The following FBN2 variants were observed in gnomAD, a reference collection of about 807,000 sequenced individuals.
The protein encoded by FBN2 is fibrillin-2.
FBN2 carries 105 observed loss-of-function variants against 355.6 expected under a neutral mutation model. The ratio of observed to expected loss-of-function variants is 0.30; its 90% CI spans 0.25 to 0.35. The LOEUF is 0.35. Among genes scored for constraint, FBN2 ranks in the 10% least tolerant of loss-of-function variants. The pLI is 1.00. For synonymous variants in FBN2, 1,350 were observed against 1,301.2 expected (o/e 1.04, Z -0.81); for missense variants, 3,280 against 3,758.7 (o/e 0.87, Z 3.33).
At chr5:128,330,721 G>A (rs1176559657) in intron 32 of FBN2, 26 bp from the exon 33 acceptor site, 1 of 1,613,094 alleles carries the variant, frequency 6.2e-7, no homozygotes, top group African/African-American at 1.3e-5. Context: ...ATAAAGTTCA[G>A]AAATGAAAAT....
chr5:128,318,217 G>A lies in FBN2; in HGVS notation c.4649C>T (p.Thr1550Met), dbSNP rs1174261486. 9 of 1,613,834 alleles carry A rather than the reference G, an allele frequency of 5.6e-6. No individual in the cohort carries two copies. Among genetic ancestry groups the A allele is most frequent in the East Asian group, 2.2e-5 (1 of 44,872 alleles). Residue 1550 changes from threonine to methionine, a missense_variant, in exon 36 of 65, where the codon ACG becomes ATG. Physicochemically the swap from Thr to Met is moderately conservative, Grantham distance 81. Coordinates refer to ENST00000262464, the MANE Select transcript of FBN2 (RefSeq NM_001999.4). The part of the protein sequence containing the change: ...INCVNGLCVN[T>M]PGRYECNCPP... ...GCAGTTACACTCATAGCGACCAGGC[G>A]TGTTGACACATAGGCCATTGACACA...
intron 64 of FBN2, among the ~76,000 whole-genome samples, chr5:128,260,533 T>C (rs1374215510): frequency 2.6e-5 from 4 of 152,340 alleles, no homozygotes; most frequent in Admixed American, 6.5e-5. Flanking sequence ...AGTGAGGACT[T>C]GGCAGTGGTG....
intron 11 of FBN2, among the ~76,000 whole-genome samples, chr5:128,384,166 G>A (rs1303215009): frequency 6.6e-6 from 1 of 152,052 alleles, no homozygotes; most frequent in South Asian, 2.1e-4. Flanking sequence ...ATTATGCTGA[G>A]TAAAAGAAAT....
intron 4 of FBN2, among the ~76,000 whole-genome samples, chr5:128,520,791 AC>A (rs1289617843): frequency 6.6e-6 from 1 of 152,190 alleles, no homozygotes; most frequent in Non-Finnish European, 1.5e-5. Context: ...GTGTCTCTGC[AC>A]AAGTACAGCT....
At chr5:128,461,100 C>A (rs982528861) in intron 6 of FBN2, among the ~76,000 whole-genome samples, 2 of 152,038 alleles carry the variant, frequency 1.3e-5, no homozygotes, top group Non-Finnish European at 2.9e-5. Context: ...TTGCAATCTA[C>A]CCATCTAACA....
intron 5 of FBN2, among the ~76,000 whole-genome samples, chr5:128,512,512 CAAAA>C (rs1158661549): frequency 3.3e-5 from 2 of 60,680 alleles, no homozygotes; most frequent in Non-Finnish European, 3.1e-5. Flanking sequence ...GAACCCGTCT[CAAAA>C]AAAAAAAAAA....
chr5:128,536,507 C>T, intron 1 of FBN2, 23 bp from the exon 2 acceptor site: 1 of 1,586,234 alleles, frequency 6.3e-7, no homozygotes, highest in Non-Finnish European at 8.6e-7. Context: ...AGCGCGGTCA[C>T]GTAACAGATA....
intron 8 of FBN2, among the ~76,000 whole-genome samples, chr5:128,407,295 G>T (rs1310987349): frequency 6.6e-6 from 1 of 152,076 alleles, no homozygotes; most frequent in African/African-American, 2.4e-5. Context: ...TGTAAATTTG[G>T]AATAACTATA....
At chr5:128,456,021 A>AAAAAAAAAAAAAC (rs1182047917) in intron 6 of FBN2, among the ~76,000 whole-genome samples, 1 of 148,968 alleles carries the variant, frequency 6.7e-6, no homozygotes, top group African/African-American at 2.5e-5. Context: ...AAAAAAAAAA[A>AAAAAAAAAAAAAC]AAGCAACTGC....
At chr5:128,527,161 A>C (rs1489447371) in intron 4 of FBN2, among the ~76,000 whole-genome samples, 1 of 152,190 alleles carries the variant, frequency 6.6e-6, no homozygotes, top group Non-Finnish European at 1.5e-5. Flanking sequence ...ACATTACTTC[A>C]AAATATGTGA....
chr5:128,510,300 G>A (rs891635668), intron 5 of FBN2, among the ~76,000 whole-genome samples: 16 of 152,182 alleles, frequency 1.1e-4, no homozygotes, highest in Non-Finnish European at 2.1e-4. Flanking sequence ...GAAAGTTTAC[G>A]AATTTGTGTT....
At chr5:128,383,790 G>A (rs1404369224) in intron 11 of FBN2, among the ~76,000 whole-genome samples, 2 of 152,050 alleles carry the variant, frequency 1.3e-5, no homozygotes, top group South Asian at 2.1e-4. Flanking sequence ...TGGCTAAAGT[G>A]TAAAAACCTG....
chr5:128,356,012 G>C (rs181918895), intron 20 of FBN2, among the ~76,000 whole-genome samples: 139 of 152,312 alleles, frequency 9.1e-4, no homozygotes, highest in African/African-American at 3.3e-3. Context: ...TTAGTTTTCT[G>C]AGACATTAAT....
chr5:128,329,089 G>A (rs1294265940), intron 33 of FBN2, among the ~76,000 whole-genome samples: 4 of 152,046 alleles, frequency 2.6e-5, no homozygotes, highest in Non-Finnish European at 4.4e-5. Flanking sequence ...TAGGAGAAAC[G>A]CAGACATCTC....
chr5:128,368,985 T>G (rs985658546), intron 16 of FBN2, among the ~76,000 whole-genome samples, 197 bp downstream of exon 16: 4 of 152,148 alleles, frequency 2.6e-5, no homozygotes, highest in African/African-American at 9.7e-5. Context: ...CTGTGTGTTC[T>G]GTTGGCCTAG....
At chr5:128,389,019 G>A (rs1325682941) in intron 11 of FBN2, among the ~76,000 whole-genome samples, 1 of 152,158 alleles carries the variant, frequency 6.6e-6, no homozygotes, top group African/African-American at 2.4e-5. Context: ...ATATTTCTCA[G>A]GGGTTTTGTT....
chr5:128,466,338 T>C (rs1754709577), intron 5 of FBN2, among the ~76,000 whole-genome samples: 1 of 152,344 alleles, frequency 6.6e-6, no homozygotes, highest in East Asian at 1.9e-4. Context: ...AATGATATTA[T>C]TCTACTCCAA....
intron 14 of FBN2, among the ~76,000 whole-genome samples, chr5:128,375,425 C>T (rs1025801403): frequency 6.6e-6 from 1 of 152,160 alleles, no homozygotes; most frequent in Non-Finnish European, 1.5e-5. Flanking sequence ...ATTCTACACA[C>T]TGAAGCATAA....
chr5:128,373,695 A>G (rs1225486830), intron 15 of FBN2, among the ~76,000 whole-genome samples: 1 of 152,086 alleles, frequency 6.6e-6, no homozygotes, highest in African/African-American at 2.4e-5. Context: ...TATTTTTACC[A>G]CTCATTCTGC....
Sources: gnomAD v4.1 joint callset for allele counts (sites outside exome capture counted in the v4.1 genomes callset) on GRCh38, gnomAD v4.1.1 for gene constraint, MANE v1.5 for transcripts, NCBI Gene and HGNC (gene_info 2026-07-23, HGNC 2026-07-21) for gene names.